The following ARHGEF3 variants were observed in gnomAD, a reference collection of about 807,000 sequenced individuals.
The protein encoded by ARHGEF3 is Rho guanine nucleotide exchange factor 3.
ARHGEF3 carries 28 observed loss-of-function variants against 63.2 expected under a neutral mutation model. The observed-to-expected ratio is 0.44, with a 90% confidence interval of 0.33 to 0.61. The LOEUF is 0.61. Among genes scored for constraint, ARHGEF3 ranks in the 20% least tolerant of loss-of-function variants. The probability of loss-of-function intolerance (pLI) is 0.03; values close to 1 mark genes in which losing one functional copy is unlikely to be tolerated. For missense variants in ARHGEF3, 533 were observed against 659.3 expected, an observed-to-expected ratio of 0.81 and a Z score of 2.10; for synonymous variants, 266 against 254.2, an observed-to-expected ratio of 1.05 and a Z score of -0.44.
At chr3:56,735,228 G>C (rs2033521890) in intron 8 of ARHGEF3, among the ~76,000 whole-genome samples, 1 of 152,172 alleles carries the variant, frequency 6.6e-6, no homozygotes, top group African/African-American at 2.4e-5. Context: ...AGGTTGCAGT[G>C]AGCCAAGATC....
chr3:56,780,919 T>C (rs572375194), intron 1 of ARHGEF3, among the ~76,000 whole-genome samples: 4 of 152,226 alleles, frequency 2.6e-5, no homozygotes, highest in Non-Finnish European at 5.9e-5. Flanking sequence ...CACTGAAAGA[T>C]AAGTGTAAGT....
chr3:56,804,623 G>C (rs1043355168), upstream of ARHGEF3, among the ~76,000 whole-genome samples: 9 of 152,204 alleles, frequency 5.9e-5, no homozygotes, highest in African/African-American at 2.2e-4. Flanking sequence ...GAGAGCACCT[G>C]AGTTTTTTTC....
At chr3:56,995,651 GAGAGAGAGAGAGAGA>G (rs1560116535) in intron 2 of ARHGEF3, among the ~76,000 whole-genome samples, 3 of 121,782 alleles carry the variant, frequency 2.5e-5, no homozygotes, top group African/African-American at 9.3e-5. Context: ...GAGAGAGAGA[GAGAGAGAGAGAGAGA>G]GAGAGAATTT....
intron 1 of ARHGEF3, among the ~76,000 whole-genome samples, chr3:57,048,084 G>A (rs1279317927): frequency 1.3e-5 from 2 of 152,020 alleles, no homozygotes; most frequent in Non-Finnish European, 2.9e-5. Flanking sequence ...GCCCAGACAC[G>A]CGCTGGCCTT....
chr3:56,949,777 C>A lies in ARHGEF3; in HGVS notation c.129+9046G>T, dbSNP rs537509220. Among the ~76,000 whole-genome samples, 238 of 152,154 alleles carry A rather than the reference C, an allele frequency of 1.6e-3. 2 individuals are homozygous for A. The highest frequency in any genetic ancestry group is 2.6e-3 in the Non-Finnish European group (179 of 68,032). On this transcript the variant is annotated intron_variant, in intron 3 of 12. Transcript: ENST00000338458. ...ATTTTCTTCACAGAATTGGAAAAAA[C>A]TACTTTAAAGTTCATATGGAACCAA...
At position 56,850,159 on chromosome 3, in the gene ARHGEF3, C is replaced by T. The variant is rs774710675; in HGVS notation, c.192+32133G>A. On this transcript the variant is annotated intron_variant, in intron 4 of 12. Transcript: ENST00000338458. ...CATCACATGTAGGTACAAGGCACTG[C>T]AGTTCCTGGAATTTTTGAAAATATC... is the stretch of plus-strand genomic sequence containing the variant. Among the ~76,000 whole-genome samples the T allele has an allele frequency of 3.3e-5, 5 of 152,290 alleles. No homozygotes were observed. In the East Asian group the frequency reaches 9.7e-4, roughly 29 times the overall value.
rs375967050 is a variant in ARHGEF3 at position 57,000,497 on chromosome 3, CATT to C, written c.62+34588_62+34590del. Reference sequence around the variant, plus strand: ...CCATTTGTATTTTTTACCTTTACTACATTATTATTATTATTATTATTACTACTA... The same window carrying C: ...CCATTTGTATTTTTTACCTTTACTACATTATTATTATTATTATTACTACTA... On this transcript the variant is annotated intron_variant, in intron 2 of 12. Coordinates refer to the ARHGEF3 transcript ENST00000338458. Among the ~76,000 whole-genome samples the C allele has an allele frequency of 4.8e-3, 710 of 148,876 alleles. 4 individuals are homozygous for C. The highest frequency in any genetic ancestry group is 0.016 in the African/African-American group (639 of 40,350).
At chr3:57,072,263 T>C (rs1048914203) in intron 1 of ARHGEF3, among the ~76,000 whole-genome samples, 3 of 152,184 alleles carry the variant, frequency 2.0e-5, no homozygotes, top group Non-Finnish European at 4.4e-5. Context: ...CACTGCTAGA[T>C]ATATATTCAA....
At chr3:56,843,489 A>G (rs1009181527) in intron 4 of ARHGEF3, among the ~76,000 whole-genome samples, 3 of 151,764 alleles carry the variant, frequency 2.0e-5, no homozygotes, top group African/African-American at 7.2e-5. Context: ...CTGGTCTCAA[A>G]CTCCTGGACT....
intron 4 of ARHGEF3, among the ~76,000 whole-genome samples, chr3:56,849,457 T>G (rs1230993454): frequency 6.6e-6 from 1 of 152,204 alleles, no homozygotes; most frequent in Non-Finnish European, 1.5e-5. Context: ...TCCAGCTTCA[T>G]ATTTTTCATC....
chr3:56,885,622 C>A (rs1313309714), intron 3 of ARHGEF3, among the ~76,000 whole-genome samples: 1 of 151,988 alleles, frequency 6.6e-6, no homozygotes, highest in Non-Finnish European at 1.5e-5. Context: ...CAACACACTA[C>A]CCAGCTTTGG....
chr3:56,970,562 C>T (rs867620794), intron 2 of ARHGEF3, among the ~76,000 whole-genome samples: 4 of 152,178 alleles, frequency 2.6e-5, no homozygotes, highest in East Asian at 3.8e-4. Context: ...TCTGCATGTC[C>T]TCCCACTCCC....
At chr3:56,776,237 G>A (rs1197121761) in intron 1 of ARHGEF3, among the ~76,000 whole-genome samples, 5 of 152,190 alleles carry the variant, frequency 3.3e-5, no homozygotes, top group African/African-American at 4.8e-5. Flanking sequence ...ACAGCTATAA[G>A]ATGTAGGTTC....
chr3:57,074,096 T>C (rs1331647024), intron 1 of ARHGEF3: 2 of 1,613,870 alleles, frequency 1.2e-6, no homozygotes, highest in East Asian at 2.2e-5. Context: ...GTATGGAAGA[T>C]GGGGATAATG....
intron 3 of ARHGEF3, among the ~76,000 whole-genome samples, chr3:56,923,641 T>G (rs2042208363): frequency 2.6e-5 from 4 of 152,214 alleles, no homozygotes; most frequent in Admixed American, 2.6e-4. Context: ...TGTATCCATC[T>G]AGAAAGTTCA....
chr3:56,861,718 T>G (rs1453765329), intron 4 of ARHGEF3, among the ~76,000 whole-genome samples: 1 of 152,130 alleles, frequency 6.6e-6, no homozygotes, highest in Non-Finnish European at 1.5e-5. Flanking sequence ...TTCAGGGCCT[T>G]GCAGGGAGCA....
At chr3:56,804,185 C>T (rs2037783801), upstream of ARHGEF3, among the ~76,000 whole-genome samples, 1 of 152,184 alleles carries the variant, frequency 6.6e-6, no homozygotes, top group African/African-American at 2.4e-5. Context: ...ATGCCCAGCC[C>T]TAAAATGATC....
chr3:56,909,210 G>T (rs2041786907), intron 3 of ARHGEF3, among the ~76,000 whole-genome samples: 1 of 152,204 alleles, frequency 6.6e-6, no homozygotes, highest in Non-Finnish European at 1.5e-5. Flanking sequence ...ACTATGTGCA[G>T]TTTTCTAAAG....
At chr3:57,074,257 C>CACAT in intron 1 of ARHGEF3, 1 of 1,611,640 alleles carries the variant, frequency 6.2e-7, no homozygotes, top group Non-Finnish European at 8.5e-7. Context: ...CACATACACA[C>CACAT]ACATCTGTAA....
Sources: allele counts gnomAD v4.1 joint callset (sites outside exome capture counted in the v4.1 genomes callset), GRCh38; gene constraint gnomAD v4.1.1; transcripts MANE v1.5; gene names NCBI Gene and HGNC (gene_info 2026-07-23, HGNC 2026-07-21).